MSTO1: variants seen among roughly 807,000 people sequenced by gnomAD.
The protein encoded by MSTO1 is protein misato homolog 1.
MSTO1 carries 24 observed loss-of-function variants against 55.7 expected under a neutral mutation model. The observed-to-expected ratio is 0.43, with a 90% CI of 0.31 to 0.61. The LOEUF is 0.61. Ranked by LOEUF, MSTO1 falls within the 20% of genes least tolerant of loss-of-function variation. The pLI, the probability that MSTO1 is intolerant of heterozygous loss-of-function variation, is 0.09. For missense variants in MSTO1, 363 were observed against 625.7 expected, an observed-to-expected ratio of 0.58 and a Z score of 4.48; for synonymous variants, 162 against 252.8, an observed-to-expected ratio of 0.64 and a Z score of 3.41.
intron 4 of MSTO1, 36 bp downstream of exon 4, chr1:155,611,327 C>T (rs1376922167): frequency 6.2e-7 from 1 of 1,613,774 alleles, no homozygotes; most frequent in African/African-American, 1.3e-5. Context: ...TAACCCGGTG[C>T]CACAACCCGA....
In MSTO1 at chr1:155,612,915, G is replaced by A; in HGVS notation, c.1038G>A (p.Leu346=). 6.2e-7 allele frequency: 1 copy of A among 1,613,834 alleles called. No homozygotes were observed. The highest frequency in any genetic ancestry group is 8.5e-7 in the Non-Finnish European group (1 of 1,179,722). Residue 346 remains leucine (L), a synonymous_variant, in exon 10 of 14, where the codon CTG becomes CTA. Transcript: ENST00000245564. ...ACACAGTCACTGTTCCTTATCGCCT[G>A]TGTTCCTCTCCAGTTTCCATGGTTC... ...ALDTVTVPYR[L]CSSPVSMVHL... is the part of the protein sequence containing the mutation.
chr1:155,602,384 G>GAGAATC, the MSTO1 span, among the ~76,000 whole-genome samples: 1 of 152,208 alleles, frequency 6.6e-6, no homozygotes, highest in African/African-American at 2.4e-5. Context: ...GCTGAGGCAG[G>GAGAATC]AGAATCGCTT....
chr1:155,587,206 G>T, the MSTO1 span, among the ~76,000 whole-genome samples: 8 of 150,654 alleles, frequency 5.3e-5, no homozygotes, highest in African/African-American at 2.0e-4. Flanking sequence ...CTTTGAGAGG[G>T]TGAGGCGGGA....
chr1:155,595,117 G>C, the MSTO1 span, among the ~76,000 whole-genome samples: 4 of 144,922 alleles, frequency 2.8e-5, no homozygotes, highest in African/African-American at 5.1e-5. Context: ...CAGCCTGGGC[G>C]ACAGAGCGAG....
At chr1:155,575,393 A>G in the MSTO1 span, among the ~76,000 whole-genome samples, 1 of 152,046 alleles carries the variant, frequency 6.6e-6, no homozygotes, top group African/African-American at 2.4e-5. Context: ...CTTATTGGCC[A>G]TTTGTATAAC....
At chr1:155,609,536 C>A (rs969245798), upstream of MSTO1, among the ~76,000 whole-genome samples, 1 of 152,136 alleles carries the variant, frequency 6.6e-6, no homozygotes, top group African/African-American at 2.4e-5. Context: ...GCGTGAACCA[C>A]CGCGCCCAGC....
the MSTO1 span, among the ~76,000 whole-genome samples, chr1:155,568,464 G>T: frequency 7.2e-6 from 1 of 139,142 alleles, no homozygotes; most frequent in African/African-American, 2.7e-5. Flanking sequence ...TTTGAGATGC[G>T]GTCTCACTCT....
Position 155,614,696 on chromosome 1 carries a change from T to G in MSTO1, c.*423T>G, listed in dbSNP as rs1388244992. ...GTGCCAGGGCGCCTGTTGGGTTTGG[T>G]CCTGTGTAGATGATTCCCAGAGTCT... On this transcript the variant is annotated 3_prime_UTR_variant, in exon 14 of 14. Transcript: ENST00000245564. 4 of 1,569,990 alleles carry G rather than the reference T, an allele frequency of 2.5e-6. No individual in the cohort carries two copies. The highest frequency in any genetic ancestry group is 3.5e-6 in the Non-Finnish European group (4 of 1,140,758).
At chr1:155,611,355 G>C in intron 4 of MSTO1, 64 bp downstream of exon 4, 1 of 1,613,596 alleles carries the variant, frequency 6.2e-7, no homozygotes, top group Non-Finnish European at 8.5e-7. Flanking sequence ...CATAGGGGCA[G>C]GTAAACGGGG....
chr1:155,576,387 C>T, the MSTO1 span, among the ~76,000 whole-genome samples: 17 of 152,040 alleles, frequency 1.1e-4, no homozygotes, highest in Middle Eastern at 3.4e-3. Flanking sequence ...ACTGCAGTGA[C>T]GCGATCTCAG....
chr1:155,604,750 C>T, the MSTO1 span, among the ~76,000 whole-genome samples: 1 of 152,124 alleles, frequency 6.6e-6, no homozygotes, highest in African/African-American at 2.4e-5. Flanking sequence ...TGGTGCACGC[C>T]TGTAGTCCCA....
the MSTO1 span, among the ~76,000 whole-genome samples, chr1:155,572,192 G>C: frequency 1.6e-3 from 243 of 152,186 alleles, no homozygotes; most frequent in African/African-American, 5.7e-3. Flanking sequence ...GTAGACTTTA[G>C]CAACATACCT....
chr1:155,591,131 C>T, the MSTO1 span: 1 of 1,613,412 alleles, frequency 6.2e-7, no homozygotes, highest in African/African-American at 1.3e-5. Context: ...TCCCACACCA[C>T]CTGGCCACCA....
chr1:155,590,843 G>A, the MSTO1 span: 2 of 1,608,706 alleles, frequency 1.2e-6, no homozygotes, highest in East Asian at 4.5e-5. Context: ...ATGATGGCAT[G>A]CGCCGTCCAG....
chr1:155,609,236 TATATATA>T (rs1194448672), upstream of MSTO1, among the ~76,000 whole-genome samples: 21 of 53,112 alleles, frequency 4.0e-4, 1 homozygote, highest in East Asian at 9.3e-4. Context: ...TATATATATA[TATATATA>T]TTTTTTTTTT....
chr1:155,601,967 G>T, the MSTO1 span: 1 of 346,434 alleles, frequency 2.9e-6, no homozygotes, highest in Non-Finnish European at 5.8e-6. Flanking sequence ...TGTTAGCCAG[G>T]ATGGTCTCGA....
chr1:155,605,607 G>C (rs1672924619), upstream of MSTO1, among the ~76,000 whole-genome samples: 1 of 152,172 alleles, frequency 6.6e-6, no homozygotes, highest in Non-Finnish European at 1.5e-5. Flanking sequence ...TTCGTGACCA[G>C]CTTGAGCAAC....
At position 155,613,140 on chromosome 1, in the gene MSTO1, G is replaced by A. The variant is rs1674666884; in HGVS notation, c.1190G>A (p.Trp397Ter). ...ATGCAGTTTGGAGGAGCCACCCCAT[G>A]GACCCCACTGTCTGCATGTGGGGAG... is the stretch of plus-strand genomic sequence containing the variant. ...SLMQFGGATP[W>*]TPLSACGEPS... is the part of the protein sequence containing the mutation. The change falls in exon 11 of 14, where the codon TGG becomes TAG. Residue 397 changes from tryptophan to a stop codon, truncating the protein, a stop_gained. Coordinates refer to ENST00000245564, the MANE Select transcript of MSTO1 (RefSeq NM_018116.4). LOFTEE classifies it high-confidence loss of function. The A allele has an allele frequency of 1.2e-6, 2 of 1,614,028 alleles. No homozygotes were observed. The highest frequency in any genetic ancestry group is 1.7e-6 in the Non-Finnish European group (2 of 1,179,994).
upstream of MSTO1, among the ~76,000 whole-genome samples, chr1:155,609,395 G>A (rs1198044886): frequency 3.8e-4 from 57 of 150,700 alleles, no homozygotes; most frequent in Non-Finnish European, 4.4e-5. Flanking sequence ...ACAGGCGCCC[G>A]CCACCACGCC....
Sources: gnomAD v4.1 joint callset for allele counts (sites outside exome capture counted in the v4.1 genomes callset) on GRCh38, gnomAD v4.1.1 for gene constraint, MANE v1.5 for transcripts, NCBI Gene and HGNC (gene_info 2026-07-23, HGNC 2026-07-21) for gene names.